The following KCNH1 variants were observed in gnomAD, a reference collection of about 807,000 sequenced individuals.
KCNH1 encodes the protein potassium voltage-gated channel subfamily H member 1.
KCNH1 carries 27 observed loss-of-function variants against 69.2 expected under a neutral mutation model. The observed-to-expected ratio is 0.39, with a 90% CI of 0.29 to 0.54. The LOEUF is 0.54. KCNH1 is among the 20% of genes least tolerant of loss of function. The pLI is 0.68. For missense variants in KCNH1, 798 were observed against 1,261.6 expected, an observed-to-expected ratio of 0.63 and a Z score of 5.57; for synonymous variants, 456 against 487.7, an observed-to-expected ratio of 0.93 and a Z score of 0.86.
chr1:210,726,630 T>C (rs12402746), intron 10 of KCNH1, among the ~76,000 whole-genome samples: 3,193 of 152,310 alleles, frequency 0.021, 60 homozygotes, highest in Middle Eastern at 0.034. Flanking sequence ...ACAACATTTA[T>C]CTTATTTTAA....
At chr1:210,686,766 T>G (rs1451995634) in intron 10 of KCNH1, among the ~76,000 whole-genome samples, 1 of 152,214 alleles carries the variant, frequency 6.6e-6, no homozygotes, top group African/African-American at 2.4e-5. Flanking sequence ...CAACAATTCC[T>G]GAACACAAAC....
At chr1:210,991,076 A>G (rs1355380671) in intron 6 of KCNH1, among the ~76,000 whole-genome samples, 1 of 152,172 alleles carries the variant, frequency 6.6e-6, no homozygotes, top group South Asian at 2.1e-4. Context: ...TAAAATTACC[A>G]TATGTCCCAG....
chr1:210,871,494 C>T (rs921847848), intron 7 of KCNH1, among the ~76,000 whole-genome samples: 1 of 152,198 alleles, frequency 6.6e-6, no homozygotes, highest in African/African-American at 2.4e-5. Context: ...GTCAGTGTGG[C>T]AATTCCTCAG....
At chr1:210,895,130 A>C (rs1686836039) in intron 7 of KCNH1, among the ~76,000 whole-genome samples, 1 of 142,310 alleles carries the variant, frequency 7.0e-6, no homozygotes, top group African/African-American at 2.6e-5. Flanking sequence ...TGTTTTATAT[A>C]TTTTGTTAAG....
intron 6 of KCNH1, among the ~76,000 whole-genome samples, chr1:210,950,130 C>T (rs1688035999): frequency 6.6e-6 from 1 of 152,226 alleles, no homozygotes; most frequent in Admixed American, 6.5e-5. Flanking sequence ...TCTTGGTCTC[C>T]CTCCAGAGTG....
intron 10 of KCNH1, among the ~76,000 whole-genome samples, chr1:210,731,929 T>C (rs1028448229): frequency 6.6e-6 from 1 of 152,158 alleles, no homozygotes; most frequent in Non-Finnish European, 1.5e-5. Context: ...TTTCTGATTT[T>C]CTGTGCAAAG....
At chr1:210,853,715 T>C (rs1339679967) in intron 7 of KCNH1, among the ~76,000 whole-genome samples, 1 of 152,168 alleles carries the variant, frequency 6.6e-6, no homozygotes, top group Non-Finnish European at 1.5e-5. Flanking sequence ...GCCAGGACCC[T>C]GGTTTGCATC....
At chr1:210,691,898 G>A (rs927985378) in intron 10 of KCNH1, among the ~76,000 whole-genome samples, 3 of 152,352 alleles carry the variant, frequency 2.0e-5, no homozygotes, top group Middle Eastern at 3.4e-3. Flanking sequence ...CTGCCTCCCT[G>A]GAGGATGCTG....
At chr1:210,837,404 C>T (rs115336128) in intron 7 of KCNH1, among the ~76,000 whole-genome samples, 2,690 of 152,192 alleles carry the variant, frequency 0.018, 78 homozygotes, top group African/African-American at 0.061. Flanking sequence ...AAGGGCAGAA[C>T]GTTCATTATC....
At chr1:210,826,709 C>A (rs1685038949) in intron 7 of KCNH1, among the ~76,000 whole-genome samples, 1 of 152,232 alleles carries the variant, frequency 6.6e-6, no homozygotes, top group African/African-American at 2.4e-5. Flanking sequence ...TCTGCTAAAG[C>A]AGTTCTGCAA....
chr1:210,867,955 A>G (rs58489162), intron 7 of KCNH1, among the ~76,000 whole-genome samples: 275 of 152,060 alleles, frequency 1.8e-3, no homozygotes, highest in African/African-American at 6.2e-3. Context: ...CCCTCATTTT[A>G]GTTATTATGA....
chr1:210,731,669 ACCT>A (rs1430691871), intron 10 of KCNH1, among the ~76,000 whole-genome samples: 2 of 152,210 alleles, frequency 1.3e-5, no homozygotes, highest in Admixed American at 6.5e-5. Context: ...AGATTAAATT[ACCT>A]CTTTAAAAAC....
chr1:210,939,273 A>T (rs939526291), intron 6 of KCNH1, among the ~76,000 whole-genome samples: 1 of 152,216 alleles, frequency 6.6e-6, no homozygotes, highest in Non-Finnish European at 1.5e-5. Flanking sequence ...CAGCATAAAT[A>T]AGAAAAGTAA....
At chr1:211,018,183 G>T (rs1689526261) in intron 6 of KCNH1, among the ~76,000 whole-genome samples, 1 of 152,064 alleles carries the variant, frequency 6.6e-6, no homozygotes, top group Admixed American at 6.6e-5. Context: ...CCTGCCTCAG[G>T]TATTTCTCTA....
chr1:210,814,159 T>C (rs754797756), intron 7 of KCNH1, among the ~76,000 whole-genome samples: 8 of 152,190 alleles, frequency 5.3e-5, no homozygotes, highest in African/African-American at 1.9e-4. Flanking sequence ...CAATCCAGCA[T>C]AGGAGGAGGA....
rs2149001344 is a variant in KCNH1 at position 210,684,141 on chromosome 1, G to A, written c.2113-3C>T. ...TCGCTGATCTTCCGGAACACAATCT[G>A]GAGAGAGAGAGAGAGAGAATGACAT... On this transcript the variant is annotated splice_region_variant and splice_polypyrimidine_tract_variant and intron_variant, in intron 10 of 10. Coordinates refer to ENST00000271751, the MANE Select transcript of KCNH1 (RefSeq NM_172362.3). 1.6e-6 allele frequency: 2 copies of A among 1,281,368 alleles called. No individual in the cohort carries two copies. The highest frequency in any genetic ancestry group is 2.1e-6 in the Non-Finnish European group (2 of 951,256). 79.4% of individuals were successfully genotyped at this position (1,281,368 alleles called of 1,614,324 possible). A position where few individuals can be genotyped will look rare whatever the true frequency, so the allele number is the denominator to read the frequency against.
intron 5 of KCNH1, among the ~76,000 whole-genome samples, chr1:211,043,773 G>A (rs755164573): frequency 6.6e-6 from 1 of 152,126 alleles, no homozygotes; most frequent in Admixed American, 6.5e-5. Context: ...CAGGGATGCA[G>A]GGAAGGTTTA....
At chr1:210,701,986 C>A (rs1389946039) in intron 10 of KCNH1, among the ~76,000 whole-genome samples, 1 of 152,144 alleles carries the variant, frequency 6.6e-6, no homozygotes, top group Non-Finnish European at 1.5e-5. Context: ...TATTTTTTAT[C>A]TTCACACTTG....
chr1:210,856,877 C>CTATATATATA (rs150446990), intron 7 of KCNH1, among the ~76,000 whole-genome samples: 4,144 of 101,586 alleles, frequency 0.041, 165 homozygotes, highest in Middle Eastern at 0.065. Flanking sequence ...ATATAACCCA[C>CTATATATATA]TATATATATA....
Sources: allele counts gnomAD v4.1 joint callset (sites outside exome capture counted in the v4.1 genomes callset), GRCh38; gene constraint gnomAD v4.1.1; transcripts MANE v1.5; gene names NCBI Gene and HGNC (gene_info 2026-07-23, HGNC 2026-07-21).